Variants in PHF20L1 observed in about 807,000 individuals in gnomAD.
PHF20L1 encodes PHD finger protein 20-like protein 1.
A neutral mutation model predicts 125.5 loss-of-function variants in PHF20L1; 44 were observed. That is an observed-to-expected ratio of 0.35 (90% confidence interval 0.28 to 0.45). PHF20L1 has a LOEUF of 0.45. PHF20L1 is among the 20% of genes least tolerant of loss of function. PHF20L1 has a pLI of 1.00. For missense variants in PHF20L1, 1,012 were observed against 1,217.2 expected, an observed-to-expected ratio of 0.83 and a Z score of 2.51; for synonymous variants, 380 against 403.1, an observed-to-expected ratio of 0.94 and a Z score of 0.69.
At chr8:132,811,576 T>A in intron 9 of PHF20L1, 1 of 984,028 alleles carries the variant, frequency 1.0e-6, no homozygotes, top group Non-Finnish European at 1.2e-6. Context: ...GAGCCATACA[T>A]TTTTGCTAGG....
intron 12 of PHF20L1, among the ~76,000 whole-genome samples, chr8:132,821,170 A>G (rs533437570): frequency 6.6e-6 from 1 of 151,998 alleles, no homozygotes; most frequent in South Asian, 2.1e-4. Context: ...ATTCAAAGTC[A>G]TCTTAGTTTT....
At chr8:132,844,058 AAC>A (rs1235795642) in intron 19 of PHF20L1, 96 bp from the exon 20 acceptor site, 2 of 1,538,706 alleles carry the variant, frequency 1.3e-6, no homozygotes, top group Non-Finnish European at 1.7e-6. Flanking sequence ...GGATCTCACT[AAC>A]TGTTACCAGT....
intron 16 of PHF20L1, among the ~76,000 whole-genome samples, 177 bp downstream of exon 16, chr8:132,836,898 A>G (rs1207518744): frequency 6.6e-6 from 1 of 152,124 alleles, no homozygotes; most frequent in Non-Finnish European, 1.5e-5. Flanking sequence ...TAAAGTAGAC[A>G]ATGTTCTTAT....
intron 7 of PHF20L1, among the ~76,000 whole-genome samples, 188 bp downstream of exon 7, chr8:132,804,220 G>T (rs960640251): frequency 4.0e-5 from 6 of 151,794 alleles, no homozygotes; most frequent in Non-Finnish European, 8.8e-5. Flanking sequence ...TCTAGTGTGG[G>T]TTACTTGATA....
rs1321745020 is a variant in PHF20L1 at position 132,838,713 on chromosome 8, GTTCA to G, written c.2192-669_2192-666del. On this transcript the variant is annotated intron_variant, in intron 17 of 20. Coordinates refer to ENST00000395386, the MANE Select transcript of PHF20L1 (RefSeq NM_016018.5). ...CACAGCCATATGAATGTAGACATTT[GTTCA>G]TTCACCAACATTTATAGTGTTCATT... is the stretch of plus-strand genomic sequence containing the variant. 3 of 152,114 alleles carry G rather than the reference GTTCA, an allele frequency of 2.0e-5. No individual in the cohort carries two copies. In the East Asian group the frequency reaches 5.8e-4, roughly 29 times the overall value. The allele number at this position is 152,114 out of a possible 1,614,324, so 9.4% of individuals were successfully genotyped here.
chr8:132,814,111 A>C (rs965357166), intron 9 of PHF20L1, among the ~76,000 whole-genome samples: 1 of 151,876 alleles, frequency 6.6e-6, no homozygotes, highest in Non-Finnish European at 1.5e-5. Context: ...TGAGTTAAAG[A>C]TAATGTTTTG....
chr8:132,812,371 A>C (rs1215886041), intron 9 of PHF20L1: 2 of 984,358 alleles, frequency 2.0e-6, no homozygotes, highest in African/African-American at 3.5e-5. Flanking sequence ...TGTGATTGTG[A>C]AAAGTACTTA....
chr8:132,785,955 G>A (rs1345675763), intron 2 of PHF20L1, among the ~76,000 whole-genome samples: 1 of 152,042 alleles, frequency 6.6e-6, no homozygotes, highest in African/African-American at 2.4e-5. Context: ...GCCCAGCAAA[G>A]TTTACTGAAT....
At chr8:132,843,559 T>G in intron 19 of PHF20L1, 2 of 985,134 alleles carry the variant, frequency 2.0e-6, no homozygotes, top group Non-Finnish European at 2.4e-6. Context: ...GTTTAATTAA[T>G]ATCCCATGTG....
intron 2 of PHF20L1, among the ~76,000 whole-genome samples, chr8:132,791,605 T>G (rs1831716662): frequency 6.6e-6 from 1 of 152,188 alleles, no homozygotes; most frequent in Non-Finnish European, 1.5e-5. Context: ...AGTGCCTTAG[T>G]CTTCTTGGAT....
At chr8:132,826,495 A>T (rs1380549089) in intron 14 of PHF20L1, 1 of 152,118 alleles carries the variant, frequency 6.6e-6, no homozygotes, top group Non-Finnish European at 1.5e-5. Flanking sequence ...GCATTCCTTC[A>T]GTGGAATAAA....
intron 6 of PHF20L1, among the ~76,000 whole-genome samples, chr8:132,802,034 A>G (rs981812192): frequency 6.6e-6 from 1 of 151,584 alleles, no homozygotes; most frequent in Admixed American, 6.6e-5. Flanking sequence ...TCTACTCTTA[A>G]TAGGTCTGCA....
chr8:132,815,104 TA>T (rs1424496035), intron 10 of PHF20L1: 1 of 398,778 alleles, frequency 2.5e-6, no homozygotes, highest in African/African-American at 2.1e-5. Context: ...CCTTTCCATT[TA>T]ATAACACAGA....
intron 8 of PHF20L1, chr8:132,809,155 AATTT>A (rs1834074998): frequency 6.6e-6 from 1 of 151,630 alleles, no homozygotes; most frequent in South Asian, 2.1e-4. Flanking sequence ...TAATTTTTTT[AATTT>A]ATTTATCTAT....
At chr8:132,823,259 C>G (rs898234618) in intron 12 of PHF20L1, among the ~76,000 whole-genome samples, 3 of 151,890 alleles carry the variant, frequency 2.0e-5, no homozygotes, top group African/African-American at 2.4e-5. Context: ...TTCAAAGGTA[C>G]AAGTTTGTTT....
chr8:132,775,433 C>A lies in PHF20L1; in HGVS notation c.-250C>A. On this transcript the variant is annotated 5_prime_UTR_variant, in exon 1 of 21. Coordinates refer to ENST00000395386, the MANE Select transcript of PHF20L1 (RefSeq NM_016018.5). The stretch of plus-strand genomic sequence containing the variant: ...GCGGCGGCGGCGGCGGCGATGGCAG[C>A]GGACCCTGAGCGAGCTTGAGGGCTC... The A allele has an allele frequency of 7.8e-6, 3 of 386,088 alleles. No individual in the cohort carries two copies. The highest frequency in any genetic ancestry group is 1.4e-5 in the Non-Finnish European group (3 of 220,316). The allele number at this position is 386,088 out of a possible 1,614,324, so 23.9% of individuals were successfully genotyped here.
intron 2 of PHF20L1, among the ~76,000 whole-genome samples, chr8:132,788,335 T>C (rs1484150212): frequency 1.3e-5 from 2 of 152,158 alleles, no homozygotes; most frequent in Non-Finnish European, 2.9e-5. Context: ...AGAAAGTGAT[T>C]ATTTAAAATA....
At chr8:132,802,628 T>C (rs1403669927) in intron 6 of PHF20L1, among the ~76,000 whole-genome samples, 4 of 151,794 alleles carry the variant, frequency 2.6e-5, no homozygotes, top group Admixed American at 2.0e-4. Context: ...AATAGAAAAT[T>C]GTTGATTGAA....
intron 4 of PHF20L1, among the ~76,000 whole-genome samples, chr8:132,797,649 G>A (rs962440388): frequency 3.3e-5 from 5 of 151,892 alleles, no homozygotes; most frequent in Admixed American, 1.3e-4. Context: ...CTTGCTATTC[G>A]CCTGATCAGT....
Sources: gnomAD v4.1 joint callset for allele counts (sites outside exome capture counted in the v4.1 genomes callset) on GRCh38, gnomAD v4.1.1 for gene constraint, MANE v1.5 for transcripts, NCBI Gene and HGNC (gene_info 2026-07-23, HGNC 2026-07-21) for gene names.